FAM135B: variants seen among roughly 807,000 people sequenced by gnomAD.
FAM135B encodes the protein protein FAM135B.
In FAM135B, 43 loss-of-function variants were observed where a neutral mutation model predicts 127.7. The ratio of observed to expected loss-of-function variants is 0.34; its 90% CI spans 0.26 to 0.43. The LOEUF is 0.43. Ranked by LOEUF, FAM135B falls within the 20% of genes least tolerant of loss-of-function variation. The pLI is 1.00. For synonymous variants in FAM135B, 670 were observed against 665.1 expected (o/e 1.01, Z -0.11); for missense variants, 1,558 against 1,725.6 (o/e 0.90, Z 1.72).
In FAM135B at chr8:138,219,093, A is replaced by G. The variant is rs1818818695; in HGVS notation, c.670-21424T>C. On this transcript the variant is annotated intron_variant, in intron 7 of 19. Coordinates refer to ENST00000395297, the MANE Select transcript of FAM135B (RefSeq NM_015912.4). ...AATAACCACACATCTGAACACTAGT[A>G]ATTTGGTCTCCATGGAAACAGAAGG... Among the ~76,000 whole-genome samples, 3 of 152,170 alleles carry G rather than the reference A, an allele frequency of 2.0e-5. No homozygotes were observed. The South Asian group carries it at 6.2e-4, about 31-fold the overall frequency.
At position 138,256,727 on chromosome 8, in the gene FAM135B, T is replaced by G. The variant is rs371489386; in HGVS notation, c.330A>C (p.Gln110His). 46 of 1,613,850 alleles carry G rather than the reference T, an allele frequency of 2.9e-5. No individual in the cohort carries two copies. Among genetic ancestry groups the G allele is most frequent in the Non-Finnish European group, 3.6e-5 (43 of 1,179,960 alleles). The change falls in exon 5 of 20, where the codon CAA becomes CAC. Residue 110 changes from glutamine (Q) to histidine (H), a missense_variant. Physicochemically the swap from Gln to His is conservative, Grantham distance 24. Around this residue, in one of 5 missense-constraint regions of FAM135B, gnomAD observed 199 missense variants for 245.7 expected, o/e 0.81. Transcript: ENST00000395297. ...MEDALSEVDF[Q>H]LKVDLHFTDS... ...CCGTAAAGTGCAGATCCACCTTGAG[T>G]TGAAAATCTACTTCACTCAGTGCGT...
intron 1 of FAM135B, among the ~76,000 whole-genome samples, chr8:138,481,776 C>T (rs1587551946): frequency 6.7e-6 from 1 of 149,848 alleles, no homozygotes. Context: ...TTCAACTGGT[C>T]TCTCCCAGCA....
At chr8:138,248,442 A>C (rs1333960584) in intron 6 of FAM135B, among the ~76,000 whole-genome samples, 2 of 152,192 alleles carry the variant, frequency 1.3e-5, no homozygotes, top group African/African-American at 4.8e-5. Context: ...TGAAGCAAGC[A>C]TGTTTTCACC....
At chr8:138,244,053 C>T (rs1420278441) in intron 6 of FAM135B, among the ~76,000 whole-genome samples, 1 of 152,114 alleles carries the variant, frequency 6.6e-6, no homozygotes, top group Non-Finnish European at 1.5e-5. Context: ...GATCCAGGTT[C>T]CTGCTTAAAA....
intron 11 of FAM135B, among the ~76,000 whole-genome samples, chr8:138,168,837 C>T (rs147440036): frequency 1.3e-5 from 2 of 152,142 alleles, no homozygotes; most frequent in African/African-American, 4.8e-5. Context: ...ACTCTTCCCT[C>T]AAGGGAAGAA....
intron 1 of FAM135B, among the ~76,000 whole-genome samples, chr8:138,431,071 T>C (rs1391054145): frequency 1.3e-5 from 2 of 152,310 alleles, no homozygotes; most frequent in East Asian, 1.9e-4. Flanking sequence ...GAAATTTACA[T>C]AGAGACAACA....
intron 4 of FAM135B, among the ~76,000 whole-genome samples, chr8:138,262,891 G>A (rs915127545): frequency 1.4e-4 from 16 of 114,118 alleles, no homozygotes; most frequent in African/African-American, 5.6e-4. Flanking sequence ...GACAGTGGGA[G>A]ACTCTGTCTC....
intron 1 of FAM135B, among the ~76,000 whole-genome samples, chr8:138,436,057 A>AGAC (rs1835437070): frequency 5.9e-5 from 9 of 152,220 alleles, no homozygotes; most frequent in African/African-American, 2.2e-4. Flanking sequence ...TCATGTTATG[A>AGAC]TAACAGTGTC....
chr8:138,417,304 C>T (rs1834219311), intron 1 of FAM135B, among the ~76,000 whole-genome samples: 1 of 152,210 alleles, frequency 6.6e-6, no homozygotes, highest in African/African-American at 2.4e-5. Flanking sequence ...CCAGCCCAGG[C>T]ACCTGCCAGT....
chr8:138,177,027 G>A (rs1814537403), intron 11 of FAM135B, among the ~76,000 whole-genome samples: 1 of 152,160 alleles, frequency 6.6e-6, no homozygotes, highest in Admixed American at 6.5e-5. Flanking sequence ...ATAGTTTGAG[G>A]CCACACCACC....
intron 1 of FAM135B, among the ~76,000 whole-genome samples, chr8:138,402,094 C>A (rs1833186187): frequency 6.6e-6 from 1 of 152,002 alleles, no homozygotes; most frequent in Admixed American, 6.6e-5. Flanking sequence ...GTTCCACGGG[C>A]AAAAGGGCTC....
At chr8:138,357,161 A>G (rs184030775) in intron 2 of FAM135B, among the ~76,000 whole-genome samples, 29 of 152,304 alleles carry the variant, frequency 1.9e-4, no homozygotes, top group African/African-American at 5.5e-4. Context: ...AGAAAAAAAG[A>G]CAATTTTAAA....
chr8:138,440,159 C>T (rs1358199552), intron 1 of FAM135B: 1 of 152,164 alleles, frequency 6.6e-6, no homozygotes, highest in African/African-American at 2.4e-5. Context: ...TTTGTGTTGA[C>T]TCATCTCAGT....
intron 1 of FAM135B, among the ~76,000 whole-genome samples, chr8:138,455,004 T>C (rs1205873749): frequency 6.6e-6 from 1 of 152,242 alleles, no homozygotes; most frequent in Non-Finnish European, 1.5e-5. Flanking sequence ...CACTGACTTA[T>C]AAATTAGGGA....
intron 3 of FAM135B, among the ~76,000 whole-genome samples, chr8:138,298,898 C>G (rs1373369137): frequency 2.6e-5 from 4 of 151,794 alleles, no homozygotes; most frequent in Non-Finnish European, 5.9e-5. Flanking sequence ...CTATACACCC[C>G]ACACTGGGTC....
chr8:138,306,189 C>T (rs1280126957), intron 3 of FAM135B, among the ~76,000 whole-genome samples: 1 of 152,050 alleles, frequency 6.6e-6, no homozygotes, highest in African/African-American at 2.4e-5. Context: ...AATACCAGCA[C>T]TTTGGGAGGC....
intron 11 of FAM135B, among the ~76,000 whole-genome samples, chr8:138,169,989 G>A (rs1006239574): frequency 6.6e-6 from 1 of 152,150 alleles, no homozygotes; most frequent in Non-Finnish European, 1.5e-5. Flanking sequence ...AGGAATCAGC[G>A]CCTATCTCTG....
chr8:138,493,237 T>C (rs1373777205), intron 1 of FAM135B, among the ~76,000 whole-genome samples: 1 of 152,202 alleles, frequency 6.6e-6, no homozygotes, highest in Admixed American at 6.5e-5. Context: ...CGTGAATCTC[T>C]GCCAGCTCTC....
chr8:138,430,070 C>T (rs762387518), intron 1 of FAM135B, among the ~76,000 whole-genome samples: 1 of 152,124 alleles, frequency 6.6e-6, no homozygotes, highest in Non-Finnish European at 1.5e-5. Flanking sequence ...TAGAGAAGGG[C>T]TATAGTGATT....
Sources: gnomAD v4.1 joint callset for allele counts (sites outside exome capture counted in the v4.1 genomes callset) on GRCh38, gnomAD v4.1.1 for gene constraint, gnomAD v4.1.1 regional missense constraint, MANE v1.5 for transcripts, NCBI Gene and HGNC (gene_info 2026-07-23, HGNC 2026-07-21) for gene names.